The following PHF19 variants were observed in gnomAD, a reference collection of about 807,000 sequenced individuals.
The protein encoded by PHF19 is PHD finger protein 19.
A neutral mutation model predicts 79.8 loss-of-function variants in PHF19; 21 were observed. That is an observed-to-expected ratio of 0.26 (90% confidence interval 0.19 to 0.38). The LOEUF (loss-of-function observed/expected upper bound fraction) is 0.38. PHF19 is among the 10% of genes least tolerant of loss of function. The probability of loss-of-function intolerance (pLI) is 1.00; values close to 1 mark genes in which losing one functional copy is unlikely to be tolerated. For missense variants in PHF19, 445 were observed against 744.2 expected (o/e 0.60, Z 4.68); for synonymous variants, 273 against 296.3 (o/e 0.92, Z 0.81).
the PHF19 span, among the ~76,000 whole-genome samples, chr9:120,900,112 G>A: frequency 1.5e-5 from 2 of 135,628 alleles, no homozygotes; most frequent in Non-Finnish European, 3.0e-5. Context: ...TCAGCCCGCC[G>A]AGTAGCTGGG....
chr9:120,893,020 T>C (rs2046362016), intron 1 of PHF19, among the ~76,000 whole-genome samples: 1 of 152,200 alleles, frequency 6.6e-6, no homozygotes, highest in Admixed American at 6.5e-5. Flanking sequence ...TAGCCTCAGT[T>C]TCCTCGTCTG....
At chr9:120,876,833 T>G in intron 1 of PHF19, 15 of 238,398 alleles carry the variant, frequency 6.3e-5, no homozygotes, top group Non-Finnish European at 8.8e-5. Context: ...CCCACCCCGA[T>G]AGGAAAATTA....
At chr9:120,875,429 T>G (rs1473074353) in intron 1 of PHF19, among the ~76,000 whole-genome samples, 1 of 152,138 alleles carries the variant, frequency 6.6e-6, no homozygotes, top group Non-Finnish European at 1.5e-5. Context: ...TCCACGCCTG[T>G]CTCTCACCAT....
rs145921556 is a variant in PHF19 at position 120,862,563 on chromosome 9, G to A, written c.1130+25C>T. On this transcript the variant is annotated intron_variant, in intron 11 of 14. Coordinates refer to ENST00000373896, the MANE Select transcript of PHF19 (RefSeq NM_015651.3). The surrounding 1 kb of genome is among the most constrained non-coding windows in gnomAD (Gnocchi z 4.6). ...AGAAACCGAGTTTGGCGGCAGCCCT[G>A]GCCCCTGGGTCCCCGAGCACTGACC... is the stretch of plus-strand genomic sequence containing the variant. 3.1e-6 allele frequency: 5 copies of A among 1,606,172 alleles called. No individual in the cohort carries two copies. In the African/African-American group the frequency reaches 5.3e-5, roughly 17 times the overall value.
At chr9:120,889,472 C>T (rs1187876696) in intron 1 of PHF19, among the ~76,000 whole-genome samples, 2 of 147,936 alleles carry the variant, frequency 1.4e-5, no homozygotes, top group East Asian at 2.0e-4. Flanking sequence ...CGCAGTGACT[C>T]ATGCCTGTAA....
chr9:120,886,448 C>T (rs571439159), intron 1 of PHF19, among the ~76,000 whole-genome samples: 19 of 152,370 alleles, frequency 1.2e-4, no homozygotes, highest in African/African-American at 4.1e-4. Context: ...TGGGGGGAAG[C>T]ATTCCAAGGA....
Position 120,860,762 on chromosome 9 carries a change from C to T in PHF19, c.1304+327G>A, listed in dbSNP as rs899189623. 38 of 281,764 alleles carry T rather than the reference C, an allele frequency of 1.3e-4. No individual in the cohort carries two copies. The highest frequency in any genetic ancestry group is 5.6e-5 in the Non-Finnish European group (8 of 142,918). 17.5% of individuals were successfully genotyped at this position (281,764 alleles called of 1,614,324 possible). ...GCCTGGGGAGGGTTAGTAAAGCCTT[C>T]CTGGAAGAAGCAGGGTCCTGAGTTT... On this transcript the variant is annotated intron_variant, in intron 13 of 14. Coordinates refer to ENST00000373896, the MANE Select transcript of PHF19 (RefSeq NM_015651.3). The surrounding 1 kb of genome is among the most constrained non-coding windows in gnomAD (Gnocchi z 4.1).
rs768353498 is a variant in PHF19 at position 120,869,827 on chromosome 9, G to A, written c.465+18C>T. 6.2e-7 allele frequency: 1 copy of A among 1,612,988 alleles called. No homozygotes were observed. Among genetic ancestry groups the A allele is most frequent in the Non-Finnish European group, 8.5e-7 (1 of 1,179,644 alleles). ...AGGAGGCAGGAGAGGCAGGGACTGG[G>A]GAGGATGGAAGGCTCACCCGCACAG... On this transcript the variant is annotated intron_variant, in intron 5 of 14. Coordinates refer to ENST00000373896, the MANE Select transcript of PHF19 (RefSeq NM_015651.3). The surrounding 1 kb of genome is among the most constrained non-coding windows in gnomAD (Gnocchi z 5.8).
Position 120,866,074 on chromosome 9 carries a change from C to T in PHF19, c.733G>A (p.Val245Met). 5 of 1,613,966 alleles carry T rather than the reference C, an allele frequency of 3.1e-6. No homozygotes were observed. Among genetic ancestry groups the T allele is most frequent in the Non-Finnish European group, 3.4e-6 (4 of 1,179,918 alleles). ...ATGTACTCTGGGCCCTGGTTACACA[C>T]GGAGCAGAAGAACAGGTAAAACCTG... ...GDRFYLFFCS[V>M]CNQGPEYIER... Residue 245 changes from valine (V) to methionine (M), a missense_variant, in exon 8 of 15, where the codon GTG (valine) becomes ATG (methionine). Physicochemically the swap from Val to Met is conservative, Grantham distance 21. Coordinates refer to ENST00000373896, the MANE Select transcript of PHF19 (RefSeq NM_015651.3). The surrounding 1 kb of genome is among the most constrained non-coding windows in gnomAD (Gnocchi z 5.2).
chr9:120,862,713 G>C lies in PHF19; in HGVS notation c.1005C>G (p.Cys335Trp). 4 of 1,614,150 alleles carry C rather than the reference G, an allele frequency of 2.5e-6. No individual in the cohort carries two copies. The highest frequency in any genetic ancestry group is 3.4e-6 in the Non-Finnish European group (4 of 1,180,006). Residue 335 changes from cysteine to tryptophan, a missense_variant, in exon 11 of 15, where the codon TGC becomes TGG. Coordinates refer to ENST00000373896, the MANE Select transcript of PHF19 (RefSeq NM_015651.3). This position sits in a 1 kb window ranked among gnomAD's most constrained non-coding sequence, Gnocchi z 4.6. ...LCGKEIKKKK[C>W]IFRLRIRVPP... ...GGACGCGGATGCGCAGGCGGAAGATGCACTTCTTCTTCTTGATCTCCTTGC... is the reference window on the plus strand; with the variant it reads ...GGACGCGGATGCGCAGGCGGAAGATCCACTTCTTCTTCTTGATCTCCTTGC...
intron 1 of PHF19, among the ~76,000 whole-genome samples, chr9:120,889,887 G>C (rs1311624909): frequency 6.6e-6 from 1 of 151,990 alleles, no homozygotes; most frequent in African/African-American, 2.4e-5. Flanking sequence ...GAGTGGACAG[G>C]CTCTAGGATC....
chr9:120,864,440 C>CA (rs11400571), intron 9 of PHF19, among the ~76,000 whole-genome samples: 112,215 of 151,308 alleles, frequency 0.74, 41,894 homozygotes, highest in African/African-American at 0.82. Context: ...ACTTTACATA[C>CA]AAAAAAAAAT....
chr9:120,889,081 G>A (rs1588138061), intron 1 of PHF19, among the ~76,000 whole-genome samples: 1 of 152,234 alleles, frequency 6.6e-6, no homozygotes, highest in Non-Finnish European at 1.5e-5. Context: ...GTGGATGCTG[G>A]ACAGATCATA....
chr9:120,875,079 G>T (rs1477695623), intron 1 of PHF19, among the ~76,000 whole-genome samples: 1 of 152,174 alleles, frequency 6.6e-6, no homozygotes, highest in East Asian at 1.9e-4. Context: ...ACCACTCCCT[G>T]TCTCAGGAGG....
chr9:120,866,060 G>A lies in PHF19; in HGVS notation c.747C>T (p.Gly249=), dbSNP rs1190377505. The change falls in exon 8 of 15, where the codon GGC becomes GGT. Residue 249 remains glycine, a synonymous_variant. Transcript: ENST00000373896. The surrounding 1 kb of genome is among the most constrained non-coding windows in gnomAD (Gnocchi z 5.2). ...GGGGCAGCCTCTCGATGTACTCTGG[G>A]CCCTGGTTACACACGGAGCAGAAGA... ...YLFFCSVCNQ[G]PEYIERLPLR... 5.6e-6 allele frequency: 9 copies of A among 1,613,782 alleles called. No homozygotes were observed. The African/African-American group carries it at 1.1e-4, about 19-fold the overall frequency.
chr9:120,874,630 ACAT>A lies in PHF19; in HGVS notation c.109_111del (p.Met37del), dbSNP rs760331630. On this transcript the variant is annotated inframe_deletion, in exon 2 of 15. Transcript: ENST00000373896. This position sits in a 1 kb window ranked among gnomAD's most constrained non-coding sequence, Gnocchi z 4.5. ...ACATACTGGCCCTCCGTCAGTTTGG[ACAT>A]CAAGTCTTTGAAGTTGTTCTTGACC... 1 of 1,613,896 alleles carries A rather than the reference ACAT, an allele frequency of 6.2e-7. No homozygotes were observed. The highest frequency in any genetic ancestry group is 8.5e-7 in the Non-Finnish European group (1 of 1,179,880).
intron 1 of PHF19, 151 bp downstream of exon 1, chr9:120,876,940 C>T (rs1263393856): frequency 2.2e-5 from 22 of 981,946 alleles, no homozygotes; most frequent in Non-Finnish European, 2.7e-5. Context: ...CCTGCACCCC[C>T]GGTCCCCACC....
At chr9:120,871,117 G>T (rs1416171463) in intron 3 of PHF19, among the ~76,000 whole-genome samples, 1 of 152,170 alleles carries the variant, frequency 6.6e-6, no homozygotes, top group Non-Finnish European at 1.5e-5. Context: ...TGGCCAGGAT[G>T]GTCTCGAACT....
chr9:120,857,859 C>T lies in PHF19; in HGVS notation c.*85G>A. On this transcript the variant is annotated 3_prime_UTR_variant, in exon 15 of 15. Coordinates refer to ENST00000373896, the MANE Select transcript of PHF19 (RefSeq NM_015651.3). ...AGCTCTGTCCTGCTTCCTTCTCCCA[C>T]CCCAGCCTGGAGAAAGCTGGGGAGC... is the stretch of plus-strand genomic sequence containing the variant. 1.2e-6 allele frequency: 1 copy of T among 807,124 alleles called. No individual in the cohort carries two copies. The highest frequency in any genetic ancestry group is 1.9e-6 in the Non-Finnish European group (1 of 518,654). 50.0% of individuals were successfully genotyped at this position (807,124 alleles called of 1,614,324 possible). A position where few individuals can be genotyped will look rare whatever the true frequency, so the allele number is the denominator to read the frequency against.
Sources: gnomAD v4.1 joint callset for allele counts (sites outside exome capture counted in the v4.1 genomes callset) on GRCh38, gnomAD v4.1.1 for gene constraint, Gnocchi (gnomAD v3.1) non-coding constraint, MANE v1.5 for transcripts, NCBI Gene and HGNC (gene_info 2026-07-23, HGNC 2026-07-21) for gene names.